C1QTNF1: variants seen among roughly 807,000 people sequenced by gnomAD.
C1QTNF1 encodes complement C1q tumor necrosis factor-related protein 1.
In C1QTNF1, 22 loss-of-function variants were observed where a neutral mutation model predicts 27.8. The ratio of observed to expected loss-of-function variants is 0.79; its 90% CI spans 0.56 to 1.13. The LOEUF (loss-of-function observed/expected upper bound fraction) is 1.13. C1QTNF1 is among the 50% of genes most tolerant of loss of function. The probability of loss-of-function intolerance (pLI) is 0.00; values close to 1 mark genes in which losing one functional copy is unlikely to be tolerated. For missense variants in C1QTNF1, 373 were observed against 380.2 expected (o/e 0.98, Z 0.16); for synonymous variants, 166 against 154.3 (o/e 1.08, Z -0.56).
intron 1 of C1QTNF1, chr17:79,024,772 ACGT>A (rs1568056890): frequency 1.3e-5 from 2 of 152,374 alleles, no homozygotes; most frequent in Non-Finnish European, 2.9e-5. Context: ...GCTTTTCTGC[ACGT>A]GGATACTAAC....
At chr17:79,034,255 C>T (rs2072211484) in intron 1 of C1QTNF1, 1 of 152,470 alleles carries the variant, frequency 6.6e-6, no homozygotes, top group Non-Finnish European at 1.5e-5. Context: ...CGGGCCAGGC[C>T]ACCTGCAGAG....
upstream of C1QTNF1, among the ~76,000 whole-genome samples, chr17:79,023,704 G>GCGCGCGCA (rs1267428917): frequency 3.4e-4 from 50 of 145,030 alleles, no homozygotes; most frequent in East Asian, 1.5e-3. Context: ...GCGCGCGCGC[G>GCGCGCGCA]CACACACACA....
chr17:79,043,523 C>T (rs931778416), intron 1 of C1QTNF1: 3 of 441,926 alleles, frequency 6.8e-6, no homozygotes, highest in Non-Finnish European at 1.4e-5. Context: ...TATATGTATG[C>T]ATGTGTGTAG....
rs1275705854 is a variant in C1QTNF1, at chr17:79,046,079, C to T, written c.156-476C>T. On this transcript the variant is annotated intron_variant, in intron 2 of 3. Coordinates refer to ENST00000579760, the MANE Select transcript of C1QTNF1 (RefSeq NM_030968.5). The surrounding 1 kb of genome is among the most constrained non-coding windows in gnomAD (Gnocchi z 4.8). ...GAGCCGCCGCCGTCCATCCTGCCTG[C>T]GGGCTTGTCCTTCCAATCAGGTTGG... Among the ~76,000 whole-genome samples the T allele has an allele frequency of 2.6e-5, 4 of 152,190 alleles. No homozygotes were observed. Among genetic ancestry groups the T allele is most frequent in the South Asian group, 2.1e-4 (1 of 4,832 alleles).
intron 1 of C1QTNF1, among the ~76,000 whole-genome samples, chr17:79,035,368 G>A (rs2072239920): frequency 6.6e-6 from 1 of 152,072 alleles, no homozygotes; most frequent in Non-Finnish European, 1.5e-5. Context: ...ACGAAGGGGT[G>A]GTGATGGCTA....
chr17:79,034,028 A>G (rs2072204047), intron 1 of C1QTNF1, among the ~76,000 whole-genome samples: 1 of 152,148 alleles, frequency 6.6e-6, no homozygotes, highest in Admixed American at 6.5e-5. Context: ...CAGGCTGGGG[A>G]TAAAGCCCTG....
At position 79,043,992 on chromosome 17, in the gene C1QTNF1, C is replaced by G; in HGVS notation, c.24C>G (p.Leu8=). The change falls in exon 2 of 4, where the codon CTC becomes CTG. Residue 8 remains leucine (L), a synonymous_variant. Coordinates refer to ENST00000579760, the MANE Select transcript of C1QTNF1 (RefSeq NM_030968.5). ...AGATGGGCTCCCGTGGACAGGGACT[C>G]TTGCTGGCGTACTGCCTGCTCCTTG... MGSRGQG[L]LLAYCLLLAF... The G allele has an allele frequency of 1.2e-6, 2 of 1,614,178 alleles. No homozygotes were observed. Among genetic ancestry groups the G allele is most frequent in the South Asian group, 1.1e-5 (1 of 91,088 alleles).
chr17:79,047,964 G>T lies in C1QTNF1; in HGVS notation c.722G>T (p.Arg241Leu). Reference sequence around the variant, plus strand: ...AGCCAGAGCCTGATGCTGGAGCTGCGAGAGCAGGACCAGGTGTGGGTACGC... The same window carrying T: ...AGCCAGAGCCTGATGCTGGAGCTGCTAGAGCAGGACCAGGTGTGGGTACGC... ...MQSQSLMLEL[R>L]EQDQVWVRLY... Residue 241 changes from arginine to leucine, a missense_variant, in exon 4 of 4, where the codon CGA becomes CTA. Transcript: ENST00000579760. 6.2e-7 allele frequency: 1 copy of T among 1,613,808 alleles called. No homozygotes were observed. Among genetic ancestry groups the T allele is most frequent in the Non-Finnish European group, 8.5e-7 (1 of 1,180,004 alleles).
intron 1 of C1QTNF1, chr17:79,043,289 T>A (rs1240899717): frequency 4.4e-6 from 2 of 453,424 alleles, no homozygotes; most frequent in Non-Finnish European, 8.8e-6. Context: ...AGTGTGCATG[T>A]GATTTGGGTA....
At chr17:79,043,857 C>T in intron 1 of C1QTNF1, 98 bp from the exon 2 acceptor site, 1 of 1,382,572 alleles carries the variant, frequency 7.2e-7, no homozygotes, top group Non-Finnish European at 1.0e-6. Context: ...GGAAGCACCT[C>T]CGATTTCCAG....
At position 79,046,360 on chromosome 17, in the gene C1QTNF1, AG is replaced by A. The variant is rs142899954; in HGVS notation, c.156-192del. On this transcript the variant is annotated intron_variant, in intron 2 of 3. Coordinates refer to ENST00000579760, the MANE Select transcript of C1QTNF1 (RefSeq NM_030968.5). This position sits in a 1 kb window ranked among gnomAD's most constrained non-coding sequence, Gnocchi z 4.8. ...CCAGGACTGTCATTGCCTTTAACAG[AG>A]GGCAGGGGGCTCGTTCGGTAGTGAG... Among the ~76,000 whole-genome samples, 52 of 152,238 alleles carry A rather than the reference AG, an allele frequency of 3.4e-4. No individual in the cohort carries two copies. Among genetic ancestry groups the A allele is most frequent in the African/African-American group, 1.2e-3 (50 of 41,536 alleles).
At chr17:79,045,352 G>A (rs2072540074) in intron 2 of C1QTNF1, among the ~76,000 whole-genome samples, 1 of 152,118 alleles carries the variant, frequency 6.6e-6, no homozygotes, top group South Asian at 2.1e-4. Context: ...GTCTAGTTGG[G>A]GAGGGTCTCA....
rs545154295 is a variant in C1QTNF1 at position 79,044,247 on chromosome 17, C to T, written c.155+124C>T. 1.5e-4 allele frequency: 176 copies of T among 1,149,148 alleles called. 1 individual carries two copies. The East Asian group carries it at 2.3e-3, about 15-fold the overall frequency. 71.2% of individuals were successfully genotyped at this position (1,149,148 alleles called of 1,614,324 possible). ...GAAGGCAAGAAAGCTGAAGCTGAGC[C>T]GTGGCCCTGCTGGAGGCTGGTCCTG... On this transcript the variant is annotated intron_variant, in intron 2 of 3. Coordinates refer to ENST00000579760, the MANE Select transcript of C1QTNF1 (RefSeq NM_030968.5).
At position 79,048,264 on chromosome 17, in the gene C1QTNF1, A is replaced by C. The variant is rs1473854828; in HGVS notation, c.*176A>C. The C allele has an allele frequency of 1.0e-5, 7 of 671,960 alleles. No individual in the cohort carries two copies. The highest frequency in any genetic ancestry group is 1.4e-5 in the Non-Finnish European group (6 of 421,958). The allele number at this position is 671,960 out of a possible 1,614,324, so 41.6% of individuals were successfully genotyped here. ...CCCAGATCCCGCAGCCTCTGGAGAG[A>C]GCTGACGGCAGATGAAATCACCAGG... On this transcript the variant is annotated 3_prime_UTR_variant, in exon 4 of 4. Coordinates refer to ENST00000579760, the MANE Select transcript of C1QTNF1 (RefSeq NM_030968.5).
intron 1 of C1QTNF1, among the ~76,000 whole-genome samples, chr17:79,030,505 CTTTCTTTCTTTCTTTCTTTCTTTCTTCT>C (rs1409015788): frequency 5.2e-5 from 7 of 134,092 alleles, no homozygotes; most frequent in African/African-American, 1.7e-4. Flanking sequence ...TTCTTTCTTT[CTTTCTTTCTTTCTTTCTTTCTTTCTTCT>C]TTCTTTCTTT....
At chr17:79,028,036 C>T (rs1432185497) in intron 1 of C1QTNF1, among the ~76,000 whole-genome samples, 5 of 152,316 alleles carry the variant, frequency 3.3e-5, no homozygotes, top group South Asian at 4.1e-4. Flanking sequence ...CCAGGACGGC[C>T]GTCGGGACGG....
At chr17:79,042,531 T>A (rs2072441341) in intron 1 of C1QTNF1, among the ~76,000 whole-genome samples, 1 of 152,220 alleles carries the variant, frequency 6.6e-6, no homozygotes, top group South Asian at 2.1e-4. Flanking sequence ...CAAGGACACC[T>A]GCTGATGCGC....
At chr17:79,043,091 T>C (rs1212283063) in intron 1 of C1QTNF1, among the ~76,000 whole-genome samples, 1 of 150,684 alleles carries the variant, frequency 6.6e-6, no homozygotes, top group East Asian at 2.0e-4. Flanking sequence ...TGTGTGTATG[T>C]GTGTGCATGT....
intron 1 of C1QTNF1, among the ~76,000 whole-genome samples, chr17:79,041,251 G>A (rs993622408): frequency 2.0e-5 from 3 of 152,200 alleles, no homozygotes; most frequent in African/African-American, 2.4e-5. Context: ...TAGGACACTT[G>A]GAGGTGGGGG....
Sources: gnomAD v4.1 joint callset for allele counts (sites outside exome capture counted in the v4.1 genomes callset) on GRCh38, gnomAD v4.1.1 for gene constraint, Gnocchi (gnomAD v3.1) non-coding constraint, MANE v1.5 for transcripts, NCBI Gene and HGNC (gene_info 2026-07-23, HGNC 2026-07-21) for gene names.